DLC1: variants seen among roughly 807,000 people sequenced by gnomAD.
DLC1 encodes the protein DLC1 Rho GTPase activating protein.
Under a neutral mutation model 140.3 loss-of-function variants are expected in DLC1, and 54 were observed. The ratio of observed to expected loss-of-function variants is 0.38; its 90% CI spans 0.31 to 0.48. The LOEUF (loss-of-function observed/expected upper bound fraction) is 0.48. DLC1 is among the 20% of genes least tolerant of loss of function. DLC1 has a pLI of 0.96. For missense variants in DLC1, 2,536 were observed against 1,907.0 expected (o/e 1.33, Z -6.14); for synonymous variants, 986 against 728.1 (o/e 1.35, Z -5.70).
intron 5 of DLC1, among the ~76,000 whole-genome samples, chr8:13,152,243 A>T (rs1823875893): frequency 1.3e-5 from 2 of 152,206 alleles, no homozygotes; most frequent in Admixed American, 1.3e-4. Flanking sequence ...TTCTGAAATG[A>T]CCCAGAAGTT....
At chr8:13,493,577 C>A (rs990869342) in intron 2 of DLC1, among the ~76,000 whole-genome samples, 3 of 152,218 alleles carry the variant, frequency 2.0e-5, no homozygotes, top group Admixed American at 2.0e-4. Flanking sequence ...CGTTCAATAT[C>A]CTTCTTCTAG....
At chr8:13,187,337 T>C (rs977388062) in intron 5 of DLC1, among the ~76,000 whole-genome samples, 8 of 152,194 alleles carry the variant, frequency 5.3e-5, no homozygotes, top group Non-Finnish European at 1.0e-4. Flanking sequence ...TAATAGGTGC[T>C]CAATAGATAT....
At chr8:13,558,384 A>G (rs1050912683) in intron 1 of DLC1, 7 of 152,184 alleles carry the variant, frequency 4.6e-5, no homozygotes, top group Non-Finnish European at 8.8e-5. Flanking sequence ...GATGTGTTCA[A>G]TGAGGGAGAG....
At chr8:13,571,249 G>A (rs1377813405) in intron 1 of DLC1, among the ~76,000 whole-genome samples, 2 of 152,076 alleles carry the variant, frequency 1.3e-5, no homozygotes, top group South Asian at 4.2e-4. Context: ...CACTTGAACT[G>A]TTATTAATAG....
intron 10 of DLC1, among the ~76,000 whole-genome samples, chr8:13,096,831 G>A (rs1818536797): frequency 6.6e-6 from 1 of 152,168 alleles, no homozygotes; most frequent in Admixed American, 6.6e-5. Flanking sequence ...AATGAAATGG[G>A]CGGCTTCTCC....
At chr8:13,595,448 A>G (rs1805651345) in intron 1 of DLC1, among the ~76,000 whole-genome samples, 1 of 152,000 alleles carries the variant, frequency 6.6e-6, no homozygotes, top group South Asian at 2.1e-4. Context: ...TGTGTTCAGA[A>G]TTTTGAATTA....
At chr8:13,336,534 G>A (rs1321959471) in intron 4 of DLC1, among the ~76,000 whole-genome samples, 1 of 152,162 alleles carries the variant, frequency 6.6e-6, no homozygotes. Flanking sequence ...AGCCATCATG[G>A]TTGAACAACT....
rs1158624471 is a variant in DLC1 at position 13,479,875 on chromosome 8, G to GA, written c.1023+19173dup. 5.1e-3 allele frequency among the ~76,000 whole-genome samples: 432 copies of GA among 84,500 alleles called. 11 individuals carry two copies. The highest frequency in any genetic ancestry group is 9.5e-3 in the Non-Finnish European group (345 of 36,142). 55.4% of individuals were successfully genotyped at this position (84,500 alleles called of 152,430 possible). A position where few individuals can be genotyped will look rare whatever the true frequency, so the allele number is the denominator to read the frequency against. ...GAAGAAGAAGAGAAAAAGAAAGAAA[G>GA]AAAGAAAGAAAGAAAAAGAAAGAAA... On this transcript the variant is annotated intron_variant, in intron 2 of 17. Transcript: ENST00000276297.
At chr8:13,220,542 T>G (rs1004920952) in intron 5 of DLC1, among the ~76,000 whole-genome samples, 1 of 152,158 alleles carries the variant, frequency 6.6e-6, no homozygotes, top group African/African-American at 2.4e-5. Context: ...ACACATCAAG[T>G]AGAACATTAT....
chr8:13,132,758 C>A (rs1157881440), intron 5 of DLC1, among the ~76,000 whole-genome samples: 3 of 152,210 alleles, frequency 2.0e-5, no homozygotes, highest in African/African-American at 7.2e-5. Context: ...CAAACTCCCT[C>A]CCCAAACTGC....
chr8:13,505,686 AG>A (rs1160336388), intron 1 of DLC1, among the ~76,000 whole-genome samples: 2 of 152,276 alleles, frequency 1.3e-5, no homozygotes, highest in African/African-American at 4.8e-5. Flanking sequence ...AAAAGGTGCC[AG>A]TTTGGATATT....
chr8:13,441,305 G>C (rs1056943278), intron 2 of DLC1, among the ~76,000 whole-genome samples: 1 of 152,160 alleles, frequency 6.6e-6, no homozygotes, highest in Non-Finnish European at 1.5e-5. Context: ...GCACAAGACA[G>C]GGATGCCCTC....
rs544575703 is a variant in DLC1, at chr8:13,287,421, C to G, written c.1348+17848G>C. Among the ~76,000 whole-genome samples the G allele has an allele frequency of 2.3e-3, 346 of 152,068 alleles. 2 individuals are homozygous for G. The highest frequency in any genetic ancestry group is 4.4e-3 in the Non-Finnish European group (296 of 67,990). On this transcript the variant is annotated intron_variant, in intron 5 of 17. Coordinates refer to ENST00000276297, the MANE Select transcript of DLC1 (RefSeq NM_182643.3). ...ACTTTATTTTCATTATATTTTAAAA[C>G]AGTACGGGTTAAAGAAATCAATCAC...
chr8:13,559,342 A>C (rs1306271869), intron 1 of DLC1: 2 of 152,246 alleles, frequency 1.3e-5, no homozygotes, highest in African/African-American at 4.8e-5. Context: ...CTAAAGAAAC[A>C]GTCTTGCATT....
chr8:13,269,472 C>G (rs1431107907), intron 5 of DLC1, among the ~76,000 whole-genome samples: 1 of 151,988 alleles, frequency 6.6e-6, no homozygotes. Flanking sequence ...GTGGCTTGTG[C>G]CTGTAGTCCC....
At chr8:13,371,847 T>TA (rs1329058993) in intron 4 of DLC1, among the ~76,000 whole-genome samples, 1 of 152,100 alleles carries the variant, frequency 6.6e-6, no homozygotes, top group East Asian at 1.9e-4. Context: ...TGGCACACAG[T>TA]AGGCACTCAC....
intron 5 of DLC1, among the ~76,000 whole-genome samples, chr8:13,291,069 G>C (rs1831738655): frequency 6.6e-6 from 1 of 152,164 alleles, no homozygotes; most frequent in South Asian, 2.1e-4. Context: ...CACCACGCCT[G>C]GCTAATTTTT....
At chr8:13,341,888 G>A (rs542724771) in intron 4 of DLC1, 1 of 152,262 alleles carries the variant, frequency 6.6e-6, no homozygotes, top group South Asian at 2.1e-4. Context: ...CGGTGAACAT[G>A]AAATAAGGCA....
At chr8:13,170,589 G>T (rs190731656) in intron 5 of DLC1, among the ~76,000 whole-genome samples, 312 of 152,174 alleles carry the variant, frequency 2.1e-3, no homozygotes, top group African/African-American at 7.2e-3. Flanking sequence ...AATTAGCTGG[G>T]CATGGTGGCG....
Sources: allele counts gnomAD v4.1 joint callset (sites outside exome capture counted in the v4.1 genomes callset), GRCh38; gene constraint gnomAD v4.1.1; transcripts MANE v1.5; gene names NCBI Gene and HGNC (gene_info 2026-07-23, HGNC 2026-07-21).